Variants in ST6GAL2 observed in about 807,000 individuals in gnomAD.
The protein encoded by ST6GAL2 is ST6 beta-galactoside alpha-2,6-sialyltransferase 2.
ST6GAL2 carries 24 observed loss-of-function variants against 37.5 expected under a neutral mutation model. The observed-to-expected ratio is 0.64, with a 90% CI of 0.46 to 0.90. The LOEUF (loss-of-function observed/expected upper bound fraction) is 0.90. Ranked by LOEUF, ST6GAL2 falls within the 40% of genes least tolerant of loss-of-function variation. The pLI is 0.00. For synonymous variants in ST6GAL2, 306 were observed against 295.1 expected (o/e 1.04, Z -0.38); for missense variants, 715 against 712.7 (o/e 1.00, Z -0.04).
At chr2:106,884,194 CTT>C (rs1678867039) in intron 1 of ST6GAL2, among the ~76,000 whole-genome samples, 1 of 152,158 alleles carries the variant, frequency 6.6e-6, no homozygotes, top group Admixed American at 6.5e-5. Context: ...GCTATTTAAT[CTT>C]TGCTGGCTGG....
intron 5 of ST6GAL2, among the ~76,000 whole-genome samples, chr2:106,814,302 G>A (rs1472441661): frequency 6.6e-6 from 1 of 152,106 alleles, no homozygotes; most frequent in Non-Finnish European, 1.5e-5. Flanking sequence ...TTGTGTTAAT[G>A]TTCTGAGTTT....
intron 2 of ST6GAL2, among the ~76,000 whole-genome samples, chr2:106,837,037 A>T (rs1279323610): frequency 6.6e-6 from 1 of 151,924 alleles, no homozygotes; most frequent in Non-Finnish European, 1.5e-5. Flanking sequence ...TTCCAAGTTC[A>T]TGGTTCAAAG....
chr2:106,813,469 C>A (rs184865283), intron 5 of ST6GAL2, among the ~76,000 whole-genome samples: 13 of 152,252 alleles, frequency 8.5e-5, no homozygotes, highest in Non-Finnish European at 1.6e-4. Context: ...AACTTTAACA[C>A]ATGTTCAGAT....
chr2:106,839,103 A>G (rs1315710533), intron 2 of ST6GAL2, among the ~76,000 whole-genome samples: 2 of 152,124 alleles, frequency 1.3e-5, no homozygotes, highest in African/African-American at 4.8e-5. Context: ...TCTGTACTAT[A>G]TAAGTGGTAC....
At chr2:106,812,136 C>T (rs1573203753) in intron 5 of ST6GAL2, among the ~76,000 whole-genome samples, 1 of 152,118 alleles carries the variant, frequency 6.6e-6, no homozygotes, top group South Asian at 2.1e-4. Flanking sequence ...GGGATTAGCG[C>T]CTTTGTAAGA....
chr2:106,826,453 T>C (rs1053778331), intron 5 of ST6GAL2, among the ~76,000 whole-genome samples: 3 of 151,726 alleles, frequency 2.0e-5, no homozygotes, highest in Non-Finnish European at 4.4e-5. Flanking sequence ...GGCAGGAGAA[T>C]TGCTTGAACC....
chr2:106,867,481 ACT>A (rs1446497990), intron 1 of ST6GAL2, among the ~76,000 whole-genome samples: 1 of 152,078 alleles, frequency 6.6e-6, no homozygotes, highest in Non-Finnish European at 1.5e-5. Context: ...GGGACATCTA[ACT>A]CTGTTACCCG....
intron 1 of ST6GAL2, among the ~76,000 whole-genome samples, chr2:106,851,101 C>A (rs960654039): frequency 6.6e-6 from 1 of 152,344 alleles, no homozygotes; most frequent in South Asian, 2.1e-4. Flanking sequence ...TTTTCCTTTC[C>A]ACTGCAATTC....
intron 1 of ST6GAL2, among the ~76,000 whole-genome samples, chr2:106,875,157 C>T (rs1162254917): frequency 2.0e-5 from 3 of 150,494 alleles, no homozygotes; most frequent in Non-Finnish European, 2.9e-5. Flanking sequence ...TAAGATATCA[C>T]TTTACTTTTT....
At chr2:106,840,390 G>A (rs555852536) in intron 2 of ST6GAL2, among the ~76,000 whole-genome samples, 2 of 152,286 alleles carry the variant, frequency 1.3e-5, no homozygotes, top group South Asian at 4.1e-4. Flanking sequence ...GAACAGGAAG[G>A]AGCGAGGTCG....
At chr2:106,868,075 A>G (rs949275487) in intron 1 of ST6GAL2, among the ~76,000 whole-genome samples, 5 of 152,160 alleles carry the variant, frequency 3.3e-5, no homozygotes, top group Non-Finnish European at 7.4e-5. Flanking sequence ...CGCCAATTCT[A>G]TTTCTTTTAA....
chr2:106,854,807 C>T (rs1677508381), intron 1 of ST6GAL2, among the ~76,000 whole-genome samples: 1 of 151,590 alleles, frequency 6.6e-6, no homozygotes, highest in Non-Finnish European at 1.5e-5. Flanking sequence ...TTATTTATGG[C>T]TTATTTTATT....
At chr2:106,878,223 G>C (rs1678588366) in intron 1 of ST6GAL2, among the ~76,000 whole-genome samples, 2 of 152,212 alleles carry the variant, frequency 1.3e-5, no homozygotes, top group Admixed American at 1.3e-4. Context: ...CAGCACTTTG[G>C]GGGTTGAGGC....
At chr2:106,852,057 CT>C (rs2104551731) in intron 1 of ST6GAL2, among the ~76,000 whole-genome samples, 1 of 152,314 alleles carries the variant, frequency 6.6e-6, no homozygotes, top group East Asian at 1.9e-4. Flanking sequence ...CTTTTCTTTG[CT>C]TTTGGTAAAT....
At chr2:106,866,815 A>C (rs2079461) in intron 1 of ST6GAL2, among the ~76,000 whole-genome samples, 1 of 152,128 alleles carries the variant, frequency 6.6e-6, no homozygotes, top group Non-Finnish European at 1.5e-5. Flanking sequence ...AAACAACAGA[A>C]TTAGTTTTTG....
intron 1 of ST6GAL2, among the ~76,000 whole-genome samples, chr2:106,871,042 C>T (rs1347403393): frequency 1.3e-5 from 2 of 152,154 alleles, no homozygotes; most frequent in Non-Finnish European, 2.9e-5. Flanking sequence ...CACAAAAAAT[C>T]TAGATGGTAC....
At chr2:106,869,849 C>T (rs1267648328) in intron 1 of ST6GAL2, among the ~76,000 whole-genome samples, 2 of 152,204 alleles carry the variant, frequency 1.3e-5, no homozygotes, top group Admixed American at 1.3e-4. Context: ...CTGCACCTCA[C>T]CCCTTCCTGA....
At chr2:106,829,552 T>C (rs558547426) in intron 5 of ST6GAL2, among the ~76,000 whole-genome samples, 1 of 152,244 alleles carries the variant, frequency 6.6e-6, no homozygotes, top group Admixed American at 6.5e-5. Flanking sequence ...ATACACCAGA[T>C]AACCCCCATG....
At chr2:106,872,795 G>T (rs1249218431) in intron 1 of ST6GAL2, among the ~76,000 whole-genome samples, 3 of 152,026 alleles carry the variant, frequency 2.0e-5, no homozygotes, top group Non-Finnish European at 4.4e-5. Flanking sequence ...TAGAGACAAG[G>T]TTCCTTTTGT....
Sources: gnomAD v4.1 joint callset for allele counts (sites outside exome capture counted in the v4.1 genomes callset) on GRCh38, gnomAD v4.1.1 for gene constraint, MANE v1.5 for transcripts, NCBI Gene and HGNC (gene_info 2026-07-23, HGNC 2026-07-21) for gene names.